The following EEFSEC variants were observed in gnomAD, a reference collection of about 807,000 sequenced individuals.
EEFSEC encodes the protein eukaryotic elongation factor, selenocysteine-tRNA specific.
A neutral mutation model predicts 42.1 loss-of-function variants in EEFSEC; 43 were observed. That is an observed-to-expected ratio of 1.02 (90% confidence interval 0.80 to 1.32). The LOEUF (loss-of-function observed/expected upper bound fraction) is 1.32, where lower values mean the gene tolerates loss of function less well. EEFSEC is among the 40% of genes most tolerant of loss of function. The pLI is 0.00. For synonymous variants in EEFSEC, 354 were observed against 339.1 expected (o/e 1.04, Z -0.48); for missense variants, 745 against 803.6 (o/e 0.93, Z 0.88).
intron 1 of EEFSEC, among the ~76,000 whole-genome samples, chr3:128,198,460 A>G (rs1324666078): frequency 6.6e-6 from 1 of 152,228 alleles, no homozygotes; most frequent in African/African-American, 2.4e-5. Context: ...CAGAAAGCTC[A>G]GAACACAACA....
At chr3:128,286,386 A>G (rs567854818) in intron 4 of EEFSEC, among the ~76,000 whole-genome samples, 191 of 152,332 alleles carry the variant, frequency 1.3e-3, no homozygotes, top group Admixed American at 6.1e-3. Flanking sequence ...AGGAGTATCT[A>G]TGTAATTATT....
intron 4 of EEFSEC, among the ~76,000 whole-genome samples, chr3:128,285,866 C>T (rs1274601695): frequency 6.6e-6 from 1 of 152,138 alleles, no homozygotes; most frequent in Non-Finnish European, 1.5e-5. Context: ...TCACCTTAGG[C>T]GTTTAACCAT....
chr3:128,250,139 G>C (rs941493448), intron 2 of EEFSEC, among the ~76,000 whole-genome samples: 1 of 152,024 alleles, frequency 6.6e-6, no homozygotes, highest in Non-Finnish European at 1.5e-5. Context: ...AGTTATTTAT[G>C]TATTCTGGAC....
chr3:128,389,517 T>G (rs2067882591), intron 6 of EEFSEC, among the ~76,000 whole-genome samples: 1 of 152,188 alleles, frequency 6.6e-6, no homozygotes, highest in African/African-American at 2.4e-5. Context: ...TTTCTGGCTA[T>G]CCCCCTGGAA....
Position 128,207,957 on chromosome 3 carries a change from G to C in EEFSEC, c.317-38879G>C, listed in dbSNP as rs140949289. Among the ~76,000 whole-genome samples, 9 of 152,312 alleles carry C rather than the reference G, an allele frequency of 5.9e-5. No homozygotes were observed. The East Asian group carries it at 1.7e-3, about 29-fold the overall frequency. On this transcript the variant is annotated intron_variant, in intron 1 of 6. Transcript: ENST00000254730. ...CAGTTCTGACAGGGGGTGCTAGGCT[G>C]TTGGTAGCATCAGAATTACCTGGGA...
chr3:128,344,009 C>T (rs2067284646), intron 5 of EEFSEC, among the ~76,000 whole-genome samples: 1 of 152,210 alleles, frequency 6.6e-6, no homozygotes, highest in Admixed American at 6.5e-5. Flanking sequence ...CCTATGAGCC[C>T]AGGGCTTTGG....
intron 6 of EEFSEC, among the ~76,000 whole-genome samples, chr3:128,402,200 A>AC (rs979360403): frequency 1.4e-4 from 22 of 152,262 alleles, no homozygotes; most frequent in African/African-American, 5.3e-4. Context: ...AGTGCTTGCA[A>AC]CCCACTCCCG....
In EEFSEC at chr3:128,160,580, C is replaced by T. The variant is rs141513353; in HGVS notation, c.316+6757C>T. On this transcript the variant is annotated intron_variant, in intron 1 of 6. Transcript: ENST00000254730. ...GCTGGGCAGGGATTCCCACTGGCAG[C>T]AGGTGTGGTTTTCTCTAGCTGCACC... 3.4e-3 allele frequency among the ~76,000 whole-genome samples: 511 copies of T among 152,258 alleles called. 1 individual carries two copies. Among genetic ancestry groups the T allele is most frequent in the African/African-American group, 0.011 (473 of 41,552 alleles).
intron 1 of EEFSEC, among the ~76,000 whole-genome samples, chr3:128,207,937 C>T (rs2065715830): frequency 6.6e-6 from 1 of 152,168 alleles, no homozygotes; most frequent in South Asian, 2.1e-4. Flanking sequence ...GATTTCAGTT[C>T]TGACAGGGGG....
At chr3:128,356,511 T>G (rs2067456421) in intron 5 of EEFSEC, among the ~76,000 whole-genome samples, 1 of 152,216 alleles carries the variant, frequency 6.6e-6, no homozygotes, top group Non-Finnish European at 1.5e-5. Context: ...GTTCTGTCTT[T>G]GGAGAAGATG....
chr3:128,183,566 A>G (rs2065433845), intron 1 of EEFSEC, among the ~76,000 whole-genome samples: 1 of 152,220 alleles, frequency 6.6e-6, no homozygotes, highest in Non-Finnish European at 1.5e-5. Flanking sequence ...CTTATTGGAA[A>G]TGTGACCTGG....
At chr3:128,224,030 A>G (rs1198671102) in intron 1 of EEFSEC, among the ~76,000 whole-genome samples, 1 of 151,488 alleles carries the variant, frequency 6.6e-6, no homozygotes, top group Admixed American at 6.6e-5. Context: ...GTTATTTTCT[A>G]TGTGATCTTC....
intron 5 of EEFSEC, among the ~76,000 whole-genome samples, chr3:128,348,278 G>C (rs549644722): frequency 0.015 from 2,204 of 149,572 alleles, 58 homozygotes; most frequent in African/African-American, 0.05. Context: ...GTGCGTGTGC[G>C]TGTGTGTGTG....
At chr3:128,162,742 A>T (rs1293169869) in intron 1 of EEFSEC, among the ~76,000 whole-genome samples, 1 of 152,078 alleles carries the variant, frequency 6.6e-6, no homozygotes, top group Non-Finnish European at 1.5e-5. Context: ...ACATATCAAA[A>T]GTTAAATCAA....
chr3:128,224,604 T>A (rs1219862946), intron 1 of EEFSEC, among the ~76,000 whole-genome samples: 1 of 152,218 alleles, frequency 6.6e-6, no homozygotes, highest in Non-Finnish European at 1.5e-5. Context: ...TTGTTTCATC[T>A]CTCTCTCCCC....
At chr3:128,255,953 T>C (rs1216407269) in intron 2 of EEFSEC, among the ~76,000 whole-genome samples, 3 of 152,048 alleles carry the variant, frequency 2.0e-5, no homozygotes, top group Non-Finnish European at 4.4e-5. Context: ...GGCTGGATCC[T>C]TCGCCTGGCT....
At chr3:128,266,447 C>G (rs1455302085) in intron 4 of EEFSEC, among the ~76,000 whole-genome samples, 1 of 151,962 alleles carries the variant, frequency 6.6e-6, no homozygotes, top group Non-Finnish European at 1.5e-5. Context: ...ACAGGGTTCC[C>G]CCAAATGAAG....
chr3:128,168,498 A>C (rs915980049), intron 1 of EEFSEC, among the ~76,000 whole-genome samples: 3 of 152,214 alleles, frequency 2.0e-5, no homozygotes, highest in Non-Finnish European at 2.9e-5. Context: ...TCCCTGAGGC[A>C]AGAGGGTAGA....
chr3:128,162,800 C>A (rs2065203694), intron 1 of EEFSEC, among the ~76,000 whole-genome samples: 1 of 152,174 alleles, frequency 6.6e-6, no homozygotes, highest in South Asian at 2.1e-4. Flanking sequence ...TGCAAAGACT[C>A]TGGCTTCTTG....
Sources: allele counts gnomAD v4.1 joint callset (sites outside exome capture counted in the v4.1 genomes callset), GRCh38; gene constraint gnomAD v4.1.1; transcripts MANE v1.5; gene names NCBI Gene and HGNC (gene_info 2026-07-23, HGNC 2026-07-21).